The following EXOC6B variants were observed in gnomAD, a reference collection of about 807,000 sequenced individuals.
The protein encoded by EXOC6B is exocyst complex component 6B, also known as SEC15 homolog B.
A neutral mutation model predicts 113.5 loss-of-function variants in EXOC6B; 54 were observed. The ratio of observed to expected loss-of-function variants is 0.48; its 90% CI spans 0.38 to 0.60. The LOEUF is 0.60. EXOC6B is among the 20% of genes least tolerant of loss of function. EXOC6B has a pLI of 0.00. For missense variants in EXOC6B, 797 were observed against 977.5 expected, an observed-to-expected ratio of 0.82 and a Z score of 2.46; for synonymous variants, 357 against 339.0, an observed-to-expected ratio of 1.05 and a Z score of -0.58.
At chr2:72,673,880 G>C (rs1299379665) in intron 6 of EXOC6B, among the ~76,000 whole-genome samples, 1 of 151,078 alleles carries the variant, frequency 6.6e-6, no homozygotes, top group East Asian at 1.9e-4. Context: ...AAATTCCTAA[G>C]ATTAGTCTTT....
In EXOC6B at chr2:72,646,067, G is replaced by A. The variant is rs193245604; in HGVS notation, c.670-70399C>T. ...TTAGCAAGACAAATAAAGAAGAAAAGAGAGAAGAATCAAATAGACGCAATA... is the reference window on the plus strand; with the variant it reads ...TTAGCAAGACAAATAAAGAAGAAAAAAGAGAAGAATCAAATAGACGCAATA... On this transcript the variant is annotated intron_variant, in intron 6 of 21. Coordinates refer to ENST00000272427, the MANE Select transcript of EXOC6B (RefSeq NM_015189.3). Among the ~76,000 whole-genome samples, 530 of 152,188 alleles carry A rather than the reference G, an allele frequency of 3.5e-3. 7 individuals carry two copies. Among genetic ancestry groups the A allele is most frequent in the Middle Eastern group, 0.017 (5 of 294 alleles).
intron 20 of EXOC6B, among the ~76,000 whole-genome samples, chr2:72,260,060 AAAGAG>A (rs1416296153): frequency 6.6e-6 from 1 of 152,116 alleles, no homozygotes; most frequent in African/African-American, 2.4e-5. Context: ...GAAAGAAAGA[AAAGAG>A]AGAAAGAGAC....
intron 20 of EXOC6B, among the ~76,000 whole-genome samples, chr2:72,240,782 A>G (rs1311377888): frequency 2.0e-5 from 3 of 152,230 alleles, no homozygotes; most frequent in African/African-American, 4.8e-5. Context: ...AATGACAACT[A>G]GTTTCTATTC....
intron 21 of EXOC6B, 83 bp downstream of exon 21, chr2:72,183,992 G>T: frequency 1.4e-6 from 1 of 739,460 alleles, no homozygotes; most frequent in Non-Finnish European, 2.3e-6. Flanking sequence ...CAAGGTATTG[G>T]CAGTGGCAAA....
chr2:72,372,938 CT>C (rs1443034204), intron 19 of EXOC6B, among the ~76,000 whole-genome samples: 2 of 152,030 alleles, frequency 1.3e-5, no homozygotes, highest in African/African-American at 4.8e-5. Flanking sequence ...AACTAGACCC[CT>C]ATCTCTTGCC....
chr2:72,366,645 T>C (rs907863840), intron 19 of EXOC6B, among the ~76,000 whole-genome samples: 55 of 152,132 alleles, frequency 3.6e-4, no homozygotes, highest in African/African-American at 1.3e-3. Context: ...CACAGCCTAA[T>C]GAAATTGCTG....
chr2:72,420,710 T>C lies in EXOC6B; in HGVS notation c.1981-40840A>G, dbSNP rs567328073. 2.0e-5 allele frequency among the ~76,000 whole-genome samples: 3 copies of C among 152,300 alleles called. No individual in the cohort carries two copies. The East Asian group carries it at 5.8e-4, about 29-fold the overall frequency. Reference sequence around the variant, plus strand: ...CACAGTAAACATACGTGTGCATGTGTCCTTATAGTAGAATGATTTATAATC... The same window carrying C: ...CACAGTAAACATACGTGTGCATGTGCCCTTATAGTAGAATGATTTATAATC... On this transcript the variant is annotated intron_variant, in intron 18 of 21. Coordinates refer to ENST00000272427, the MANE Select transcript of EXOC6B (RefSeq NM_015189.3).
intron 6 of EXOC6B, among the ~76,000 whole-genome samples, chr2:72,645,259 A>G (rs1043720841): frequency 2.0e-5 from 3 of 152,216 alleles, no homozygotes; most frequent in African/African-American, 7.2e-5. Flanking sequence ...ATATATATGC[A>G]CCCAATACAG....
In EXOC6B at chr2:72,480,228, A is replaced by G. The variant is rs145680129; in HGVS notation, c.1800+388T>C. 7.1e-3 allele frequency among the ~76,000 whole-genome samples: 1,083 copies of G among 152,160 alleles called. 7 individuals carry two copies. The highest frequency in any genetic ancestry group is 0.01 in the Non-Finnish European group (710 of 67,988). ...AAAAAAAAAAAAAATTGGTCACAGG[A>G]TACAGAGAGCAGGGGACAGCTTAGT... On this transcript the variant is annotated intron_variant, in intron 17 of 21. Coordinates refer to ENST00000272427, the MANE Select transcript of EXOC6B (RefSeq NM_015189.3).
intron 21 of EXOC6B, among the ~76,000 whole-genome samples, chr2:72,181,179 A>T (rs1444196335): frequency 7.2e-6 from 1 of 138,322 alleles, no homozygotes; most frequent in Non-Finnish European, 1.5e-5. Flanking sequence ...ACTGCACTCC[A>T]GTCTGGGTGG....
chr2:72,310,329 C>T (rs920563715), intron 20 of EXOC6B, among the ~76,000 whole-genome samples: 1 of 152,098 alleles, frequency 6.6e-6, no homozygotes, highest in South Asian at 2.1e-4. Context: ...TTATAGCCAA[C>T]CTGGTGGGTA....
chr2:72,820,753 A>C (rs1444217265), intron 1 of EXOC6B, among the ~76,000 whole-genome samples: 6 of 152,282 alleles, frequency 3.9e-5, no homozygotes, highest in Non-Finnish European at 5.9e-5. Flanking sequence ...AAAGCAGTCA[A>C]CAAATGGTGT....
intron 20 of EXOC6B, among the ~76,000 whole-genome samples, chr2:72,196,535 C>G (rs1186481298): frequency 5.9e-5 from 9 of 152,076 alleles, no homozygotes; most frequent in Non-Finnish European, 1.5e-5. Flanking sequence ...AATTGCAACT[C>G]AGAATTTCAT....
chr2:72,234,232 C>T (rs1681817852), intron 20 of EXOC6B, among the ~76,000 whole-genome samples: 1 of 151,970 alleles, frequency 6.6e-6, no homozygotes, highest in Admixed American at 6.6e-5. Flanking sequence ...ATTACAGGCA[C>T]GTGCCACCAC....
chr2:72,399,089 C>T (rs1483872236), intron 18 of EXOC6B, among the ~76,000 whole-genome samples: 1 of 151,062 alleles, frequency 6.6e-6, no homozygotes, highest in Non-Finnish European at 1.5e-5. Context: ...GATCCAGCAA[C>T]ACATCAAAAA....
At chr2:72,637,560 G>C (rs947005305) in intron 6 of EXOC6B, among the ~76,000 whole-genome samples, 1 of 152,084 alleles carries the variant, frequency 6.6e-6, no homozygotes, top group Non-Finnish European at 1.5e-5. Flanking sequence ...AGGCAGAGGT[G>C]GGCAGATCAC....
At chr2:72,721,390 G>GA (rs1679996399) in intron 5 of EXOC6B, among the ~76,000 whole-genome samples, 10 of 52,000 alleles carry the variant, frequency 1.9e-4, no homozygotes, top group East Asian at 4.9e-4. Flanking sequence ...AAAAAAAAAT[G>GA]AACAAAGAAA....
chr2:72,403,385 G>C (rs554232413), intron 18 of EXOC6B, among the ~76,000 whole-genome samples: 5 of 152,208 alleles, frequency 3.3e-5, no homozygotes, highest in Admixed American at 3.3e-4. Context: ...ACAATAATTT[G>C]TGCATAAAAC....
chr2:72,792,068 G>A (rs1365482183), intron 1 of EXOC6B, among the ~76,000 whole-genome samples: 1 of 152,212 alleles, frequency 6.6e-6, no homozygotes, highest in Non-Finnish European at 1.5e-5. Context: ...CCCTGGAAGT[G>A]GATAGAATCC....
Sources: gnomAD v4.1 joint callset for allele counts (sites outside exome capture counted in the v4.1 genomes callset) on GRCh38, gnomAD v4.1.1 for gene constraint, MANE v1.5 for transcripts, NCBI Gene and HGNC (gene_info 2026-07-23, HGNC 2026-07-21) for gene names.